DCAF1: variants seen among roughly 807,000 people sequenced by gnomAD.
DCAF1 encodes the protein DDB1 and CUL4 associated factor 1.
A neutral mutation model predicts 128.0 loss-of-function variants in DCAF1; 15 were observed. The observed-to-expected ratio is 0.12, with a 90% confidence interval of 0.08 to 0.18. DCAF1 has a LOEUF of 0.18. Ranked by LOEUF, DCAF1 falls within the 10% of genes least tolerant of loss-of-function variation. The pLI, the probability that DCAF1 is intolerant of heterozygous loss-of-function variation, is 1.00. For synonymous variants in DCAF1, 610 were observed against 603.0 expected (o/e 1.01, Z -0.17); for missense variants, 988 against 1,649.5 (o/e 0.60, Z 6.95).
chr3:51,427,292 G>A, intron 13 of DCAF1, 80 bp downstream of exon 13: 1 of 604,184 alleles, frequency 1.7e-6, no homozygotes, highest in Non-Finnish European at 3.0e-6. Context: ...TGTTTGTTAA[G>A]CATATACAAT....
chr3:51,498,540 G>A (rs573105179), intron 1 of DCAF1, among the ~76,000 whole-genome samples: 2 of 151,900 alleles, frequency 1.3e-5, no homozygotes, highest in East Asian at 3.9e-4. Context: ...AACCAGCCTG[G>A]GCAACATACT....
chr3:51,470,391 T>C (rs917440544), intron 4 of DCAF1, among the ~76,000 whole-genome samples: 5 of 151,952 alleles, frequency 3.3e-5, no homozygotes, highest in Non-Finnish European at 5.9e-5. Flanking sequence ...CAAGACCCCA[T>C]CTCTACAAAA....
chr3:51,450,773 C>T (rs1028155331), intron 6 of DCAF1, among the ~76,000 whole-genome samples: 15 of 152,158 alleles, frequency 9.9e-5, no homozygotes, highest in African/African-American at 2.2e-4. Context: ...TGAGCCACCA[C>T]GCCTGGTCAA....
chr3:51,422,010 T>C (rs1357377823), intron 14 of DCAF1, among the ~76,000 whole-genome samples: 1 of 152,174 alleles, frequency 6.6e-6, no homozygotes, highest in Non-Finnish European at 1.5e-5. Flanking sequence ...AGGAAAGCTA[T>C]AATATACCAT....
intron 1 of DCAF1, among the ~76,000 whole-genome samples, chr3:51,497,330 C>CT (rs1708334969): frequency 6.6e-6 from 1 of 152,126 alleles, no homozygotes; most frequent in African/African-American, 2.4e-5. Context: ...TGGCTCACGC[C>CT]TGTAATCCCA....
intron 5 of DCAF1, 59 bp from the exon 6 acceptor site, chr3:51,463,286 C>T: frequency 8.8e-7 from 1 of 1,138,592 alleles, no homozygotes; most frequent in Non-Finnish European, 1.2e-6. Flanking sequence ...AAATTAAGGA[C>T]ATCTAATAAA....
At chr3:51,450,450 A>G (rs1702239760) in intron 6 of DCAF1, among the ~76,000 whole-genome samples, 1 of 152,226 alleles carries the variant, frequency 6.6e-6, no homozygotes, top group Admixed American at 6.6e-5. Context: ...GAATTCAAAG[A>G]CAGTTCAACA....
intron 9 of DCAF1, among the ~76,000 whole-genome samples, chr3:51,439,945 T>C (rs997718993): frequency 6.6e-6 from 1 of 151,734 alleles, no homozygotes; most frequent in Non-Finnish European, 1.5e-5. Flanking sequence ...TGAGCAGAAA[T>C]CACACCACTG....
chr3:51,455,904 A>T (rs1213365746), intron 6 of DCAF1, among the ~76,000 whole-genome samples: 3 of 152,044 alleles, frequency 2.0e-5, no homozygotes, highest in African/African-American at 7.2e-5. Flanking sequence ...TCTCAAAAAA[A>T]GAAAAAAAAA....
intron 1 of DCAF1, among the ~76,000 whole-genome samples, chr3:51,498,049 CAAAAAAAAAAA>C (rs56734063): frequency 7.9e-3 from 165 of 20,802 alleles, no homozygotes; most frequent in South Asian, 0.011. Flanking sequence ...GACTCTGTCT[CAAAAAAAAAAA>C]AAAAAAAAAA....
chr3:51,412,498 G>A lies in DCAF1; in HGVS notation c.4111-18C>T. The A allele has an allele frequency of 6.2e-7, 1 of 1,613,600 alleles. No homozygotes were observed. Among genetic ancestry groups the A allele is most frequent in the African/African-American group, 1.3e-5 (1 of 75,024 alleles). On this transcript the variant is annotated intron_variant, in intron 22 of 24. Transcript: ENST00000684031. ...CCTTGATTCTGAAATAGAACATCCA[G>A]TCCATAAGGAGCAGTTACTTTTCAG...
chr3:51,491,300 A>G (rs1287190183), intron 2 of DCAF1, among the ~76,000 whole-genome samples: 1 of 151,034 alleles, frequency 6.6e-6, no homozygotes, highest in African/African-American at 2.4e-5. Flanking sequence ...GTGAGCCAAG[A>G]TTGCGCCACT....
intron 23 of DCAF1, among the ~76,000 whole-genome samples, chr3:51,410,812 G>A (rs557584149): frequency 3.3e-5 from 5 of 152,290 alleles, no homozygotes; most frequent in East Asian, 1.9e-4. Flanking sequence ...TACTTTCCCC[G>A]GTCCTGTGAT....
chr3:51,423,593 G>A (rs1699628545), intron 13 of DCAF1, among the ~76,000 whole-genome samples: 1 of 151,474 alleles, frequency 6.6e-6, no homozygotes, highest in Non-Finnish European at 1.5e-5. Flanking sequence ...TGAGGCAGGC[G>A]GATGACCTGA....
At chr3:51,497,582 G>A (rs879974636) in intron 1 of DCAF1, among the ~76,000 whole-genome samples, 1 of 150,550 alleles carries the variant, frequency 6.6e-6, no homozygotes, top group Non-Finnish European at 1.5e-5. Context: ...GCAAGACTCC[G>A]TCTCAAAAAA....
At chr3:51,427,343 C>T (rs368018566) in intron 13 of DCAF1, 29 bp downstream of exon 13, 2 of 663,838 alleles carry the variant, frequency 3.0e-6, no homozygotes, top group African/African-American at 1.8e-5. Context: ...ATGCATCAAA[C>T]TTCATTTGAA....
rs2107586531 is a variant in DCAF1, at chr3:51,433,238, G to A, written c.1155C>T (p.Asn385=). Residue 385 remains asparagine, a synonymous_variant, in exon 10 of 25, where the codon AAC becomes AAT. Coordinates refer to ENST00000684031, the MANE Select transcript of DCAF1 (RefSeq NM_001387579.1). ...GCGCAACAAATTCTGTGGCAAATTT[G>A]TTATGGAGCAGGAGAGATGCTAGGT... The part of the protein sequence containing the change: ...LKHLASLLLH[N]KFATEFVAHG... The A allele has an allele frequency of 7.5e-6, 3 of 398,480 alleles. No homozygotes were observed. The East Asian group carries it at 1.1e-4, about 14-fold the overall frequency. The allele number at this position is 398,480 out of a possible 1,614,324, so 24.7% of individuals were successfully genotyped here.
At chr3:51,504,186 G>A (rs1293531182), upstream of DCAF1, among the ~76,000 whole-genome samples, 6 of 151,916 alleles carry the variant, frequency 3.9e-5, no homozygotes, top group South Asian at 4.2e-4. Flanking sequence ...ACAGGCGCCC[G>A]CCACCACGCC....
At chr3:51,469,435 G>A (rs1553647697) in intron 4 of DCAF1, among the ~76,000 whole-genome samples, 2 of 151,440 alleles carry the variant, frequency 1.3e-5, no homozygotes, top group Admixed American at 1.3e-4. Context: ...TTTCCATGTT[G>A]GTCAGGCTGG....
Sources: allele counts gnomAD v4.1 joint callset (sites outside exome capture counted in the v4.1 genomes callset), GRCh38; gene constraint gnomAD v4.1.1; transcripts MANE v1.5; gene names NCBI Gene and HGNC (gene_info 2026-07-23, HGNC 2026-07-21).